The following CCSER1 variants were observed in gnomAD, a reference collection of about 807,000 sequenced individuals.
CCSER1 encodes coiled-coil serine rich protein 1, also known as serine-rich coiled-coil domain-containing protein 1.
CCSER1 carries 41 observed loss-of-function variants against 82.0 expected under a neutral mutation model. That is an observed-to-expected ratio of 0.50 (90% CI 0.39 to 0.65). The LOEUF (loss-of-function observed/expected upper bound fraction) is 0.65. CCSER1 is among the 30% of genes least tolerant of loss of function. The pLI, the probability that CCSER1 is intolerant of heterozygous loss-of-function variation, is 0.00. For synonymous variants in CCSER1, 414 were observed against 383.9 expected, an observed-to-expected ratio of 1.08 and a Z score of -0.92; for missense variants, 1,119 against 1,064.2, an observed-to-expected ratio of 1.05 and a Z score of -0.72.
rs1312325916 is a variant in CCSER1, at chr4:90,263,779, T to C, written c.-41-44465T>C. Among the ~76,000 whole-genome samples the C allele has an allele frequency of 5.3e-5, 8 of 152,144 alleles. No homozygotes were observed. In the East Asian group the frequency reaches 1.5e-3, roughly 29 times the overall value. ...GAGCTATAAAGCTCCCAAAAGTTTA[T>C]GTCCTTTGTGTTAAGCTAGTAGGGC... On this transcript the variant is annotated intron_variant, in intron 1 of 10. Transcript: ENST00000509176.
At chr4:90,386,088 C>T (rs1476688630) in intron 3 of CCSER1, among the ~76,000 whole-genome samples, 1 of 152,106 alleles carries the variant, frequency 6.6e-6, no homozygotes, top group Admixed American at 6.5e-5. Flanking sequence ...CTACCCAAAG[C>T]AATCGACAGA....
At chr4:91,279,616 CTT>C (rs964886822) in intron 10 of CCSER1, among the ~76,000 whole-genome samples, 1 of 151,938 alleles carries the variant, frequency 6.6e-6, no homozygotes, top group African/African-American at 2.4e-5. Flanking sequence ...ATATCTATCT[CTT>C]TGGTAAATTG....
intron 6 of CCSER1, among the ~76,000 whole-genome samples, chr4:90,699,321 C>T (rs898136075): frequency 1.3e-5 from 2 of 152,010 alleles, no homozygotes; most frequent in African/African-American, 4.8e-5. Context: ...AAACATTACT[C>T]CAGCGTGGTG....
At chr4:90,643,012 G>A (rs1373084574) in intron 6 of CCSER1, among the ~76,000 whole-genome samples, 1 of 151,606 alleles carries the variant, frequency 6.6e-6, no homozygotes, top group East Asian at 1.9e-4. Context: ...AGACCCATTT[G>A]TTTTGTTCTC....
At chr4:91,509,381 G>A (rs1271342335) in intron 10 of CCSER1, among the ~76,000 whole-genome samples, 1 of 151,934 alleles carries the variant, frequency 6.6e-6, no homozygotes, top group Non-Finnish European at 1.5e-5. Context: ...CCACGCATTT[G>A]TAAATTCCTC....
intron 10 of CCSER1, among the ~76,000 whole-genome samples, chr4:91,446,115 A>G (rs1755537737): frequency 3.3e-5 from 5 of 152,020 alleles, no homozygotes; most frequent in Admixed American, 3.3e-4. Flanking sequence ...GTATTGTTTT[A>G]ATGCCTAGTA....
At chr4:90,191,252 G>C (rs1429243928) in intron 1 of CCSER1, among the ~76,000 whole-genome samples, 1 of 151,816 alleles carries the variant, frequency 6.6e-6, no homozygotes, top group African/African-American at 2.4e-5. Context: ...CTTTCTCCCT[G>C]TGTTTCGGGC....
chr4:90,911,837 A>G (rs1726426472), intron 8 of CCSER1, among the ~76,000 whole-genome samples: 1 of 152,118 alleles, frequency 6.6e-6, no homozygotes, highest in South Asian at 2.1e-4. Context: ...ATTATATTCC[A>G]CGCCTGGCTC....
At chr4:90,195,695 T>G (rs563380969) in intron 1 of CCSER1, among the ~76,000 whole-genome samples, 2 of 152,214 alleles carry the variant, frequency 1.3e-5, no homozygotes, top group Admixed American at 1.3e-4. Flanking sequence ...AATTTTTTAG[T>G]GAACCTAAAA....
rs536631249 is a variant in CCSER1 at position 90,549,624 on chromosome 4, G to C, written c.1725-78401G>C. Among the ~76,000 whole-genome samples, 110 of 152,268 alleles carry C rather than the reference G, an allele frequency of 7.2e-4. 3 individuals are homozygous for C. In the South Asian group the frequency reaches 0.021, roughly 29 times the overall value. The stretch of plus-strand genomic sequence containing the variant: ...CACATTTGGATATCACATAGGATAA[G>C]TGAATAGCAATAAGGTAAATTTGGA... On this transcript the variant is annotated intron_variant, in intron 5 of 10. Transcript: ENST00000509176.
At chr4:90,831,113 T>C in intron 8 of CCSER1, among the ~76,000 whole-genome samples, 1 of 152,002 alleles carries the variant, frequency 6.6e-6, no homozygotes, top group Non-Finnish European at 1.5e-5. Flanking sequence ...AGTAGGAAGG[T>C]ATGCGCATAC....
At chr4:91,559,617 A>G (rs1395792401) in intron 10 of CCSER1, among the ~76,000 whole-genome samples, 3 of 151,566 alleles carry the variant, frequency 2.0e-5, no homozygotes, top group African/African-American at 4.8e-5. Flanking sequence ...CATAAAACAT[A>G]GAAACATGAA....
rs527549603 is a variant in CCSER1 at position 91,271,776 on chromosome 4, C to T, written c.2217+185782C>T. Among the ~76,000 whole-genome samples, 8 of 151,996 alleles carry T rather than the reference C, an allele frequency of 5.3e-5. No individual in the cohort carries two copies. The South Asian group carries it at 6.2e-4, about 12-fold the overall frequency. On this transcript the variant is annotated intron_variant, in intron 10 of 10. Transcript: ENST00000509176. Reference sequence around the variant, plus strand: ...AGTTTCCTTTTGTTTGTTTTTGAGACGGAGTTTCGCTCTTGTTGCCCAGGC... The same window carrying T: ...AGTTTCCTTTTGTTTGTTTTTGAGATGGAGTTTCGCTCTTGTTGCCCAGGC...
intron 7 of CCSER1, among the ~76,000 whole-genome samples, chr4:90,736,398 G>A (rs1041009491): frequency 1.3e-5 from 2 of 151,992 alleles, no homozygotes; most frequent in Admixed American, 6.6e-5. Context: ...TGTGTTGGGT[G>A]TGTATATATT....
chr4:90,749,514 T>C (rs779845086), intron 7 of CCSER1, among the ~76,000 whole-genome samples: 2 of 152,052 alleles, frequency 1.3e-5, no homozygotes, highest in African/African-American at 2.4e-5. Context: ...TTGACTTGGC[T>C]ATGCGGGCTC....
intron 1 of CCSER1, among the ~76,000 whole-genome samples, chr4:90,171,050 T>A (rs560641120): frequency 5.4e-4 from 82 of 151,776 alleles, no homozygotes; most frequent in Non-Finnish European, 1.1e-3. Context: ...GGATACCGAA[T>A]TGCCTCTATT....
chr4:90,759,235 ATG>A (rs1468334780), intron 7 of CCSER1, among the ~76,000 whole-genome samples: 1 of 152,172 alleles, frequency 6.6e-6, no homozygotes, highest in Admixed American at 6.5e-5. Context: ...ATGATTTCTT[ATG>A]TGTTTCTCTA....
chr4:90,383,720 T>G (rs2153533309), intron 3 of CCSER1, among the ~76,000 whole-genome samples: 1 of 138,024 alleles, frequency 7.2e-6, no homozygotes, highest in East Asian at 2.1e-4. Flanking sequence ...CTATATAATT[T>G]TTCTTCCTTT....
Position 91,261,636 on chromosome 4 carries a change from C to T in CCSER1, c.2217+175642C>T, listed in dbSNP as rs564428905. On this transcript the variant is annotated intron_variant, in intron 10 of 10. Transcript: ENST00000509176. ...TTTTGTGAATATTAAATGAGATATA[C>T]AGAATAGGAGTAAGACTTTTAGAAG... Among the ~76,000 whole-genome samples, 63 of 152,218 alleles carry T rather than the reference C, an allele frequency of 4.1e-4. No individual in the cohort carries two copies. The South Asian group carries it at 0.013, about 31-fold the overall frequency.
Sources: gnomAD v4.1 joint callset for allele counts (sites outside exome capture counted in the v4.1 genomes callset) on GRCh38, gnomAD v4.1.1 for gene constraint, MANE v1.5 for transcripts, NCBI Gene and HGNC (gene_info 2026-07-23, HGNC 2026-07-21) for gene names.